The following ERBB4 variants were observed in gnomAD, a reference collection of about 807,000 sequenced individuals.
ERBB4 encodes erb-b2 receptor tyrosine kinase 4, also known as receptor tyrosine-protein kinase erbB-4.
A neutral mutation model predicts 158.0 loss-of-function variants in ERBB4; 42 were observed. The observed-to-expected ratio is 0.27, with a 90% CI of 0.21 to 0.34. The LOEUF is 0.34. Among genes scored for constraint, ERBB4 ranks in the 10% least tolerant of loss-of-function variants. The pLI, the probability that ERBB4 is intolerant of heterozygous loss-of-function variation, is 1.00. For synonymous variants in ERBB4, 583 were observed against 558.7 expected (o/e 1.04, Z -0.61); for missense variants, 1,333 against 1,624.1 (o/e 0.82, Z 3.08).
chr2:211,431,459 A>G (rs529506485), intron 20 of ERBB4, among the ~76,000 whole-genome samples: 54 of 152,260 alleles, frequency 3.5e-4, no homozygotes, highest in Admixed American at 5.9e-4. Flanking sequence ...ACATATTTGT[A>G]ATCATTCCTT....
chr2:211,714,044 G>T (rs2073812866), intron 7 of ERBB4, among the ~76,000 whole-genome samples: 1 of 152,194 alleles, frequency 6.6e-6, no homozygotes, highest in Non-Finnish European at 1.5e-5. Flanking sequence ...AAGTTGAACT[G>T]CCTTGGATCA....
chr2:211,839,871 T>C (rs756612696), intron 3 of ERBB4, among the ~76,000 whole-genome samples: 17 of 152,110 alleles, frequency 1.1e-4, no homozygotes, highest in Non-Finnish European at 2.2e-4. Context: ...AACAAAATGT[T>C]AAAAGTTCTA....
intron 2 of ERBB4, among the ~76,000 whole-genome samples, chr2:212,029,032 T>C (rs2076840324): frequency 6.6e-6 from 1 of 152,204 alleles, no homozygotes; most frequent in African/African-American, 2.4e-5. Flanking sequence ...AGTTTACCAT[T>C]GCCATGGTAA....
chr2:212,124,560 G>T, intron 2 of ERBB4, 192 bp downstream of exon 2: 1 of 613,398 alleles, frequency 1.6e-6, no homozygotes, highest in Non-Finnish European at 2.9e-6. Context: ...ACTCAGGAGC[G>T]TCAGTCATTA....
chr2:212,112,933 CACTGAACATTT>C (rs1269225498), intron 2 of ERBB4, among the ~76,000 whole-genome samples: 2 of 152,150 alleles, frequency 1.3e-5, no homozygotes, highest in Admixed American at 1.3e-4. Flanking sequence ...AATAAAAGTT[CACTGAACATTT>C]ACTCTGTACA....
At chr2:212,377,884 C>T (rs1322183235) in intron 1 of ERBB4, among the ~76,000 whole-genome samples, 1 of 151,900 alleles carries the variant, frequency 6.6e-6, no homozygotes, top group Non-Finnish European at 1.5e-5. Context: ...CTTTAAAACA[C>T]AAGCACATTG....
At chr2:212,407,063 C>T (rs928683871) in intron 1 of ERBB4, among the ~76,000 whole-genome samples, 7 of 151,882 alleles carry the variant, frequency 4.6e-5, no homozygotes, top group African/African-American at 1.2e-4. Flanking sequence ...GCCCATATTC[C>T]CTATGTTAGG....
chr2:212,070,571 A>G (rs1425270012), intron 2 of ERBB4, among the ~76,000 whole-genome samples: 1 of 152,052 alleles, frequency 6.6e-6, no homozygotes, highest in Non-Finnish European at 1.5e-5. Context: ...TGGCCAGGGA[A>G]TCAAGACTGT....
intron 1 of ERBB4, among the ~76,000 whole-genome samples, chr2:212,386,075 C>G (rs1403523734): frequency 6.6e-6 from 1 of 151,616 alleles, no homozygotes; most frequent in Non-Finnish European, 1.5e-5. Flanking sequence ...TCTTCCAAAC[C>G]TGATCCTTAA....
chr2:212,521,776 A>C (rs372274394), intron 1 of ERBB4, among the ~76,000 whole-genome samples: 8 of 151,914 alleles, frequency 5.3e-5, no homozygotes, highest in African/African-American at 1.9e-4. Context: ...CACATGGTGG[A>C]CTCAAACCTG....
intron 1 of ERBB4, among the ~76,000 whole-genome samples, chr2:212,400,197 G>C (rs902999506): frequency 1.3e-5 from 2 of 152,166 alleles, no homozygotes; most frequent in African/African-American, 4.8e-5. Context: ...AAGATTGTAA[G>C]TAGAGAAGGG....
chr2:212,366,301 T>A (rs1295904151), intron 1 of ERBB4, among the ~76,000 whole-genome samples: 3 of 151,974 alleles, frequency 2.0e-5, no homozygotes, highest in Non-Finnish European at 4.4e-5. Context: ...AAGATAGGAT[T>A]CCAAATATTG....
intron 2 of ERBB4, among the ~76,000 whole-genome samples, chr2:212,106,471 G>A (rs1256473668): frequency 1.3e-5 from 2 of 152,220 alleles, no homozygotes; most frequent in South Asian, 2.1e-4. Flanking sequence ...GGTGACAGGT[G>A]CTGTTAAAAG....
At chr2:211,704,942 T>G (rs1372615558) in intron 10 of ERBB4, among the ~76,000 whole-genome samples, 1 of 151,926 alleles carries the variant, frequency 6.6e-6, no homozygotes, top group Non-Finnish European at 1.5e-5. Context: ...TAACTTTTTT[T>G]GTTTTGTTTT....
rs184383391 is a variant in ERBB4 at position 211,494,360 on chromosome 2, C to T, written c.2488-63260G>A. On this transcript the variant is annotated intron_variant, in intron 20 of 27. Transcript: ENST00000342788. ...TAACAACATCATTAAAATGTATTAG[C>T]TCAGCTCTGAAACAAGTAAGAGTGA... Among the ~76,000 whole-genome samples the T allele has an allele frequency of 1.7e-3, 255 of 152,090 alleles. 1 individual carries two copies. The highest frequency in any genetic ancestry group is 5.8e-3 in the African/African-American group (240 of 41,492).
intron 3 of ERBB4, among the ~76,000 whole-genome samples, chr2:211,925,191 C>T (rs1233073176): frequency 6.6e-6 from 1 of 152,072 alleles, no homozygotes. Flanking sequence ...GAGAAAAATA[C>T]TTTTTCTTTA....
chr2:211,719,868 GA>G (rs56887696), intron 7 of ERBB4, among the ~76,000 whole-genome samples: 21,986 of 76,752 alleles, frequency 0.29, 2,047 homozygotes, highest in East Asian at 0.41. Context: ...ACAAAGAAAA[GA>G]AAAAAAAAAA....
chr2:212,520,153 A>G (rs1484872049), intron 1 of ERBB4, among the ~76,000 whole-genome samples: 2 of 151,976 alleles, frequency 1.3e-5, no homozygotes, highest in Non-Finnish European at 2.9e-5. Flanking sequence ...TCTGTCTTCT[A>G]TTTATGATCA....
chr2:211,631,031 A>G (rs73080716), intron 16 of ERBB4, among the ~76,000 whole-genome samples: 4,657 of 152,266 alleles, frequency 0.031, 218 homozygotes, highest in African/African-American at 0.11. Flanking sequence ...GGCTTTCACA[A>G]CAGTGGCACT....
Sources: gnomAD v4.1 joint callset for allele counts (sites outside exome capture counted in the v4.1 genomes callset) on GRCh38, gnomAD v4.1.1 for gene constraint, MANE v1.5 for transcripts, NCBI Gene and HGNC (gene_info 2026-07-23, HGNC 2026-07-21) for gene names.